Variants in NRXN3 observed in about 807,000 individuals in gnomAD.
NRXN3 encodes the protein neurexin 3, also known as neurexin III.
NRXN3 carries 32 observed loss-of-function variants against 137.6 expected under a neutral mutation model. The ratio of observed to expected loss-of-function variants is 0.23; its 90% CI spans 0.18 to 0.31. NRXN3 has a LOEUF of 0.31. Among genes scored for constraint, NRXN3 ranks in the 10% least tolerant of loss-of-function variants. The pLI is 1.00. For missense variants in NRXN3, 1,574 were observed against 2,062.5 expected (o/e 0.76, Z 4.59); for synonymous variants, 798 against 784.5 (o/e 1.02, Z -0.29).
intron 4 of NRXN3, among the ~76,000 whole-genome samples, chr14:78,567,359 G>A (rs1223422476): frequency 6.6e-6 from 1 of 152,220 alleles, no homozygotes; most frequent in Non-Finnish European, 1.5e-5. Flanking sequence ...CCAGTAAACT[G>A]TGCTCAGCTG....
intron 16 of NRXN3, among the ~76,000 whole-genome samples, chr14:79,525,835 C>T (rs2097113515): frequency 1.3e-5 from 2 of 152,144 alleles, no homozygotes; most frequent in African/African-American, 4.8e-5. Context: ...GCATATGATT[C>T]TCATTTGGGG....
intron 8 of NRXN3, among the ~76,000 whole-genome samples, chr14:78,730,901 A>G (rs1250987675): frequency 6.6e-6 from 1 of 152,124 alleles, no homozygotes; most frequent in Non-Finnish European, 1.5e-5. Context: ...GCAGGCGGAG[A>G]TTGATGGTGG....
At position 79,740,708 on chromosome 14, in the gene NRXN3, TTTTTTATA is replaced by T. The variant is rs1170724716; in HGVS notation, c.4014+42773_4014+42780del. On this transcript the variant is annotated intron_variant, in intron 19 of 20. Coordinates refer to ENST00000335750, the MANE Select transcript of NRXN3 (RefSeq NM_001330195.2). ...CCTTTCCACTGGACTTTGCATTTAG[TTTTTTATA>T]TATATATATATATATATATATATAT... 1.4e-3 allele frequency among the ~76,000 whole-genome samples: 49 copies of T among 35,162 alleles called. 1 individual carries two copies. The highest frequency in any genetic ancestry group is 5.9e-3 in the African/African-American group (47 of 7,936). The allele number at this position is 35,162 out of a possible 152,430, so 23.1% of individuals were successfully genotyped here.
At chr14:78,250,308 T>C (rs1596364920) in intron 2 of NRXN3, among the ~76,000 whole-genome samples, 1 of 152,182 alleles carries the variant, frequency 6.6e-6, no homozygotes, top group Non-Finnish European at 1.5e-5. Flanking sequence ...TGAAGTTATC[T>C]GCCTAGACTC....
chr14:78,210,632 A>G (rs994905649), intron 1 of NRXN3, among the ~76,000 whole-genome samples: 1 of 151,702 alleles, frequency 6.6e-6, no homozygotes. Flanking sequence ...GAACATTTCC[A>G]TCACCCCCAA....
intron 4 of NRXN3, among the ~76,000 whole-genome samples, chr14:78,529,474 T>G (rs1019017668): frequency 2.0e-5 from 3 of 152,200 alleles, no homozygotes; most frequent in African/African-American, 7.2e-5. Context: ...TTTCTGGGTC[T>G]CGGACACCCT....
intron 4 of NRXN3, among the ~76,000 whole-genome samples, chr14:78,644,320 C>T (rs950761694): frequency 6.6e-6 from 1 of 151,920 alleles, no homozygotes; most frequent in Non-Finnish European, 1.5e-5. Context: ...GCGATCTTGG[C>T]CCCATGGAAC....
intron 16 of NRXN3, among the ~76,000 whole-genome samples, chr14:79,470,955 T>A (rs200474365): frequency 0.12 from 2,198 of 17,760 alleles, 49 homozygotes; most frequent in African/African-American, 0.28. Context: ...AGAGAGAGTG[T>A]GTGTGTGTGT....
chr14:79,739,720 T>TGTCTACTG (rs2098954463), intron 19 of NRXN3, among the ~76,000 whole-genome samples: 2 of 150,188 alleles, frequency 1.3e-5, no homozygotes, highest in Non-Finnish European at 3.0e-5. Flanking sequence ...CAGGTACTCT[T>TGTCTACTG]GTCTACTGTG....
At chr14:78,319,827 C>A (rs2079121506) in intron 4 of NRXN3, among the ~76,000 whole-genome samples, 1 of 152,142 alleles carries the variant, frequency 6.6e-6, no homozygotes, top group African/African-American at 2.4e-5. Flanking sequence ...TCTGTATAAT[C>A]CCCTGGGAAG....
chr14:78,219,113 C>T (rs2153422326), intron 1 of NRXN3, among the ~76,000 whole-genome samples: 1 of 151,910 alleles, frequency 6.6e-6, no homozygotes, highest in East Asian at 1.9e-4. Context: ...TAATCTAACT[C>T]CAAATACAGT....
chr14:79,481,124 A>C (rs989742538), intron 16 of NRXN3, among the ~76,000 whole-genome samples: 2 of 142,984 alleles, frequency 1.4e-5, no homozygotes, highest in African/African-American at 4.9e-5. Flanking sequence ...CCCTGTCCTC[A>C]TGGTACTTAC....
At chr14:79,486,008 A>T (rs1365745134) in intron 16 of NRXN3, among the ~76,000 whole-genome samples, 1 of 152,044 alleles carries the variant, frequency 6.6e-6, no homozygotes, top group African/African-American at 2.4e-5. Context: ...GAGCTCTTAA[A>T]TCTGTATTAT....
chr14:79,685,141 T>C (rs891262700), intron 17 of NRXN3, among the ~76,000 whole-genome samples: 6 of 152,294 alleles, frequency 3.9e-5, no homozygotes, highest in Non-Finnish European at 7.4e-5. Flanking sequence ...TTCTTTTTAG[T>C]TTAACTCTTC....
intron 6 of NRXN3, among the ~76,000 whole-genome samples, chr14:78,671,047 G>A (rs1430608046): frequency 6.6e-6 from 1 of 152,152 alleles, no homozygotes; most frequent in Non-Finnish European, 1.5e-5. Flanking sequence ...GAAGAACAAT[G>A]TATTTTAAAG....
Position 79,763,312 on chromosome 14 carries a change from A to G in NRXN3, c.4015-41800A>G, listed in dbSNP as rs561024164. 5.4e-4 allele frequency among the ~76,000 whole-genome samples: 76 copies of G among 139,900 alleles called. 2 individuals are homozygous for G. The highest frequency in any genetic ancestry group is 1.8e-3 in the African/African-American group (70 of 38,206). The allele number at this position is 139,900 out of a possible 152,430, so 91.8% of individuals were successfully genotyped here. A position where few individuals can be genotyped will look rare whatever the true frequency, so the allele number is the denominator to read the frequency against. ...TGGTTCCAAGTCTTTGCTGTTGTGA[A>G]TAGTGCTGCAATAGACATACATGTG... On this transcript the variant is annotated intron_variant, in intron 19 of 20. Transcript: ENST00000335750.
chr14:78,694,533 C>T (rs375278868), intron 6 of NRXN3, among the ~76,000 whole-genome samples: 11 of 151,996 alleles, frequency 7.2e-5, no homozygotes, highest in East Asian at 5.8e-4. Context: ...TCCAGCACAA[C>T]GAATTACAAA....
intron 19 of NRXN3, among the ~76,000 whole-genome samples, chr14:79,712,366 T>C (rs1222253801): frequency 1.3e-5 from 2 of 152,216 alleles, no homozygotes; most frequent in African/African-American, 4.8e-5. Flanking sequence ...CCAGTAAAAT[T>C]CTATCGCATT....
intron 1 of NRXN3, among the ~76,000 whole-genome samples, chr14:78,188,722 G>A (rs143114828): frequency 4.1e-4 from 63 of 152,302 alleles, no homozygotes; most frequent in African/African-American, 1.5e-3. Flanking sequence ...AGTTCTGTGT[G>A]TGCAAACTTG....
Sources: allele counts gnomAD v4.1 joint callset (sites outside exome capture counted in the v4.1 genomes callset), GRCh38; gene constraint gnomAD v4.1.1; transcripts MANE v1.5; gene names NCBI Gene and HGNC (gene_info 2026-07-23, HGNC 2026-07-21).